The following CSMD1 variants were observed in gnomAD, a reference collection of about 807,000 sequenced individuals.
CSMD1 encodes CUB and Sushi multiple domains 1, also known as CUB and sushi domain-containing protein 1.
CSMD1 carries 213 observed loss-of-function variants against 417.5 expected under a neutral mutation model. The ratio of observed to expected loss-of-function variants is 0.51; its 90% CI spans 0.46 to 0.57. The LOEUF (loss-of-function observed/expected upper bound fraction) is 0.57, where lower values mean the gene tolerates loss of function less well. CSMD1 is among the 20% of genes least tolerant of loss of function. CSMD1 has a pLI of 0.00. For synonymous variants in CSMD1, 2,862 were observed against 1,736.8 expected, an observed-to-expected ratio of 1.65 and a Z score of -16.11; for missense variants, 6,923 against 4,529.7, an observed-to-expected ratio of 1.53 and a Z score of -15.17.
intron 26 of CSMD1, among the ~76,000 whole-genome samples, chr8:3,252,613 A>G (rs1800352833): frequency 6.6e-6 from 1 of 152,018 alleles, no homozygotes; most frequent in African/African-American, 2.4e-5. Context: ...TTTTCTATTG[A>G]TTGAATAGTT....
chr8:3,256,556 C>G (rs544588484), intron 26 of CSMD1, among the ~76,000 whole-genome samples: 1 of 152,298 alleles, frequency 6.6e-6, no homozygotes, highest in African/African-American at 2.4e-5. Flanking sequence ...TATAATCTTG[C>G]CCCTTTTGCT....
intron 54 of CSMD1, among the ~76,000 whole-genome samples, chr8:2,983,778 G>C (rs934718420): frequency 1.3e-5 from 2 of 152,132 alleles, no homozygotes; most frequent in African/African-American, 2.4e-5. Flanking sequence ...TAGAAGCTCT[G>C]CCTGGGGCCA....
intron 2 of CSMD1, among the ~76,000 whole-genome samples, chr8:4,460,496 A>G (rs955227499): frequency 6.6e-6 from 1 of 152,180 alleles, no homozygotes; most frequent in African/African-American, 2.4e-5. Context: ...CAAGTATACA[A>G]TAGAAAAAAA....
intron 30 of CSMD1, among the ~76,000 whole-genome samples, chr8:3,206,607 T>G (rs1457358575): frequency 1.4e-5 from 2 of 143,714 alleles, no homozygotes; most frequent in African/African-American, 5.3e-5. Context: ...TGTCTGTATG[T>G]GTGTGTATGT....
chr8:3,060,452 G>A (rs1251665433), intron 49 of CSMD1, among the ~76,000 whole-genome samples: 1 of 152,106 alleles, frequency 6.6e-6, no homozygotes, highest in Non-Finnish European at 1.5e-5. Context: ...GTCTCACAAA[G>A]TGCTGGGATT....
At chr8:4,071,917 G>C (rs914732074) in intron 3 of CSMD1, among the ~76,000 whole-genome samples, 12 of 152,168 alleles carry the variant, frequency 7.9e-5, no homozygotes, top group Non-Finnish European at 1.8e-4. Flanking sequence ...TAGCTCAAGA[G>C]TCAAAGTCTG....
Position 3,772,460 on chromosome 8 carries a change from C to CACATTT in CSMD1, c.819-18419_819-18418insAAATGT, listed in dbSNP as rs1563064386. Among the ~76,000 whole-genome samples the CACATTT allele has an allele frequency of 2.0e-3, 122 of 61,770 alleles. 11 individuals are homozygous for CACATTT. Among genetic ancestry groups the CACATTT allele is most frequent in the South Asian group, 3.4e-3 (6 of 1,762 alleles). 40.5% of individuals were successfully genotyped at this position (61,770 alleles called of 152,430 possible). On this transcript the variant is annotated intron_variant, in intron 5 of 69. Coordinates refer to ENST00000635120, the MANE Select transcript of CSMD1 (RefSeq NM_033225.6). ...ACATTTATATATACACATATATATA[C>CACATTT]ATATATACACATATATATACATATA...
chr8:3,184,142 A>AT (rs1346856066), intron 36 of CSMD1, among the ~76,000 whole-genome samples: 1 of 151,856 alleles, frequency 6.6e-6, no homozygotes, highest in Non-Finnish European at 1.5e-5. Context: ...TTTCAGAATC[A>AT]TTTTTTCTTG....
At chr8:4,709,437 A>G (rs1057018068) in intron 1 of CSMD1, among the ~76,000 whole-genome samples, 5 of 152,186 alleles carry the variant, frequency 3.3e-5, no homozygotes, top group African/African-American at 9.6e-5. Flanking sequence ...CCCTGGCCTC[A>G]ACACAGGAAA....
At chr8:3,789,952 C>T (rs997935573) in intron 5 of CSMD1, among the ~76,000 whole-genome samples, 62 of 152,120 alleles carry the variant, frequency 4.1e-4, no homozygotes, top group African/African-American at 1.4e-3. Flanking sequence ...AGGATGGTCT[C>T]GATCTCCTGA....
chr8:4,823,919 G>T (rs921849858), intron 1 of CSMD1, among the ~76,000 whole-genome samples: 1 of 151,832 alleles, frequency 6.6e-6, no homozygotes, highest in Non-Finnish European at 1.5e-5. Flanking sequence ...GAAGAAAGAG[G>T]AAAGAGCATT....
intron 5 of CSMD1, among the ~76,000 whole-genome samples, chr8:3,941,240 T>G (rs1238502506): frequency 6.6e-6 from 1 of 152,166 alleles, no homozygotes; most frequent in Non-Finnish European, 1.5e-5. Context: ...ATGTATTAAT[T>G]AAACATTTAG....
Position 4,787,705 on chromosome 8 carries a change from G to A in CSMD1, c.86-150147C>T. 3.8e-6 allele frequency: 6 copies of A among 1,592,642 alleles called. 1 individual carries two copies. The South Asian group carries it at 6.6e-5, about 18-fold the overall frequency. On this transcript the variant is annotated intron_variant, in intron 1 of 69. Coordinates refer to ENST00000635120, the MANE Select transcript of CSMD1 (RefSeq NM_033225.6). ...ACCTAAAGTGGAGTTGTTTTTCAAGGATGCTGCCAATAATGACCCACAGTG... is the reference window on the plus strand; with the variant it reads ...ACCTAAAGTGGAGTTGTTTTTCAAGAATGCTGCCAATAATGACCCACAGTG...
At chr8:3,103,482 G>C (rs1174428767) in intron 46 of CSMD1, among the ~76,000 whole-genome samples, 2 of 152,080 alleles carry the variant, frequency 1.3e-5, no homozygotes, top group African/African-American at 2.4e-5. Flanking sequence ...ACAAGGGTAA[G>C]CATTCTCACA....
intron 1 of CSMD1, among the ~76,000 whole-genome samples, chr8:4,931,012 G>A (rs1238182032): frequency 1.3e-5 from 2 of 152,088 alleles, no homozygotes; most frequent in Non-Finnish European, 2.9e-5. Context: ...ATTATCAATG[G>A]GAGACATGAG....
At chr8:3,744,723 G>C (rs79210493) in intron 6 of CSMD1, among the ~76,000 whole-genome samples, 11,216 of 152,282 alleles carry the variant, frequency 0.074, 471 homozygotes, top group East Asian at 0.12. Context: ...ATGAAATGAA[G>C]AGTCAGTGAC....
intron 2 of CSMD1, among the ~76,000 whole-genome samples, chr8:4,615,960 C>A (rs188753122): frequency 2.0e-4 from 30 of 152,268 alleles, no homozygotes; most frequent in Admixed American, 1.8e-3. Context: ...TAGCCAGAAT[C>A]TTTTTCAAAT....
At chr8:4,873,839 C>T (rs73183481) in intron 1 of CSMD1, among the ~76,000 whole-genome samples, 33,293 of 151,924 alleles carry the variant, frequency 0.22, 4,653 homozygotes, top group Non-Finnish European at 0.31. Context: ...ATATTTTACT[C>T]TATATAAAGG....
intron 26 of CSMD1, among the ~76,000 whole-genome samples, chr8:3,257,134 C>A (rs1274576416): frequency 6.6e-6 from 1 of 152,060 alleles, no homozygotes; most frequent in African/African-American, 2.4e-5. Flanking sequence ...CCAGCCTGGC[C>A]AACATGGTGA....
Sources: gnomAD v4.1 joint callset for allele counts (sites outside exome capture counted in the v4.1 genomes callset) on GRCh38, gnomAD v4.1.1 for gene constraint, MANE v1.5 for transcripts, NCBI Gene and HGNC (gene_info 2026-07-23, HGNC 2026-07-21) for gene names.